PTBP3: variants seen among roughly 807,000 people sequenced by gnomAD.
PTBP3 encodes the protein polypyrimidine tract-binding protein 3.
A neutral mutation model predicts 58.7 loss-of-function variants in PTBP3; 20 were observed. The observed-to-expected ratio is 0.34, with a 90% CI of 0.24 to 0.50. The LOEUF (loss-of-function observed/expected upper bound fraction) is 0.50. PTBP3 is among the 20% of genes least tolerant of loss of function. The pLI is 0.98. For missense variants in PTBP3, 509 were observed against 637.2 expected (o/e 0.80, Z 2.17); for synonymous variants, 185 against 219.8 (o/e 0.84, Z 1.40).
rs891738874 is a variant in PTBP3, at chr9:112,222,134, G to A, written c.*1717C>T. 7.1e-6 allele frequency: 7 copies of A among 985,640 alleles called. No individual in the cohort carries two copies. The Admixed American group carries it at 2.5e-4, about 35-fold the overall frequency. 61.1% of individuals were successfully genotyped at this position (985,640 alleles called of 1,614,324 possible). A position where few individuals can be genotyped will look rare whatever the true frequency, so the allele number is the denominator to read the frequency against. On this transcript the variant is annotated 3_prime_UTR_variant, in exon 14 of 14. Transcript: ENST00000374257. ...TCTTTATTCTTTTAAAAGTTGAGAT[G>A]AGACACTTTGAGAATCTGAAAAGTG... is the stretch of plus-strand genomic sequence containing the variant.
intron 5 of PTBP3, among the ~76,000 whole-genome samples, chr9:112,260,002 G>C (rs1315576134): frequency 1.3e-5 from 2 of 152,030 alleles, no homozygotes; most frequent in East Asian, 3.9e-4. Context: ...CAGCCTCCTG[G>C]GTACAAGTGA....
intron 1 of PTBP3, among the ~76,000 whole-genome samples, chr9:112,325,203 G>C (rs1029443803): frequency 6.6e-6 from 1 of 151,936 alleles, no homozygotes; most frequent in African/African-American, 2.4e-5. Flanking sequence ...CCTTCGACCT[G>C]CCCAGGTCAT....
rs545221118 is a variant in PTBP3 at position 112,288,749 on chromosome 9, T to C, written c.34+9083A>G. ...ATTAGCATTAAGACTGCAGGTGAGT[T>C]TTCTTTAAACTTACTAATTCTTAGA... On this transcript the variant is annotated intron_variant, in intron 2 of 13. Coordinates refer to ENST00000374257, the MANE Select transcript of PTBP3 (RefSeq NM_001163788.4). 7.9e-5 allele frequency among the ~76,000 whole-genome samples: 12 copies of C among 152,344 alleles called. No homozygotes were observed. The East Asian group carries it at 2.3e-3, about 29-fold the overall frequency.
the PTBP3 span, among the ~76,000 whole-genome samples, chr9:112,379,431 C>T: frequency 6.6e-6 from 1 of 152,220 alleles, no homozygotes; most frequent in African/African-American, 2.4e-5. Flanking sequence ...AACACTCATT[C>T]CAGAAGTAGA....
intron 10 of PTBP3, among the ~76,000 whole-genome samples, chr9:112,231,016 C>G (rs1835178141): frequency 7.1e-6 from 1 of 140,936 alleles, no homozygotes; most frequent in East Asian, 1.9e-4. Context: ...ATGCTCACCA[C>G]TGGGCTTCCT....
chr9:112,226,253 T>C (rs1299638868), intron 12 of PTBP3, among the ~76,000 whole-genome samples: 1 of 151,920 alleles, frequency 6.6e-6, no homozygotes, highest in Non-Finnish European at 1.5e-5. Flanking sequence ...ACTGCCCCAC[T>C]TGGATTCAAG....
At chr9:112,329,902 A>G (rs1830302432) in intron 1 of PTBP3, among the ~76,000 whole-genome samples, 1 of 145,142 alleles carries the variant, frequency 6.9e-6, no homozygotes, top group Admixed American at 7.1e-5. Context: ...GCTGGAGTGC[A>G]GTGACACGGT....
At chr9:112,334,199 G>A (rs1406957048), upstream of PTBP3, among the ~76,000 whole-genome samples, 1 of 152,096 alleles carries the variant, frequency 6.6e-6, no homozygotes, top group African/African-American at 2.4e-5. Flanking sequence ...GTGTGGCTGG[G>A]ACGATGAATG....
chr9:112,316,623 A>C (rs1829713351), intron 1 of PTBP3, among the ~76,000 whole-genome samples: 1 of 152,206 alleles, frequency 6.6e-6, no homozygotes, highest in South Asian at 2.1e-4. Context: ...CTAACAAATA[A>C]ATGTTGTTTT....
rs1411646280 is a variant in PTBP3 at position 112,320,291 on chromosome 9, A to AAATAT, written c.-52+13178_-52+13179insATATT. Among the ~76,000 whole-genome samples, 152 of 73,512 alleles carry AAATAT rather than the reference A, an allele frequency of 2.1e-3. 1 individual carries two copies. Among genetic ancestry groups the AAATAT allele is most frequent in the African/African-American group, 0.013 (144 of 11,034 alleles). 48.2% of individuals were successfully genotyped at this position (73,512 alleles called of 152,430 possible). A position where few individuals can be genotyped will look rare whatever the true frequency, so the allele number is the denominator to read the frequency against. On this transcript the variant is annotated intron_variant, in intron 1 of 13. Transcript: ENST00000374257. ...AGACCCTTTCTCTTAAAAAAAAAAA[A>AAATAT]ATATATATATATATATATATATATT...
At chr9:112,356,460 C>G in the PTBP3 span, among the ~76,000 whole-genome samples, 1,258 of 152,088 alleles carry the variant, frequency 8.3e-3, 17 homozygotes, top group African/African-American at 0.029. Flanking sequence ...GGGTAAGCCA[C>G]TAGCAGTCTG....
At chr9:112,272,158 GC>G (rs1315440254) in intron 3 of PTBP3, among the ~76,000 whole-genome samples, 1 of 152,006 alleles carries the variant, frequency 6.6e-6, no homozygotes, top group Non-Finnish European at 1.5e-5. Context: ...CACTTCCTGG[GC>G]TCAAGCAATC....
At chr9:112,328,109 G>C (rs1267356399) in intron 1 of PTBP3, among the ~76,000 whole-genome samples, 1 of 152,150 alleles carries the variant, frequency 6.6e-6, no homozygotes, top group Non-Finnish European at 1.5e-5. Flanking sequence ...TCTGAATCCA[G>C]GGAAGCAACT....
chr9:112,358,409 A>G, the PTBP3 span, among the ~76,000 whole-genome samples: 1 of 152,232 alleles, frequency 6.6e-6, no homozygotes, highest in African/African-American at 2.4e-5. Flanking sequence ...TGCACATGAC[A>G]GCCTCCCACA....
chr9:112,378,320 A>T, the PTBP3 span, among the ~76,000 whole-genome samples: 1 of 152,256 alleles, frequency 6.6e-6, no homozygotes. Flanking sequence ...GTATAAAAAT[A>T]GTGTAAGTAC....
the PTBP3 span, among the ~76,000 whole-genome samples, chr9:112,371,669 T>A: frequency 6.8e-6 from 1 of 147,280 alleles, no homozygotes; most frequent in African/African-American, 2.5e-5. Context: ...TTTTTTTTTT[T>A]ACCAGATCCC....
intron 2 of PTBP3, among the ~76,000 whole-genome samples, chr9:112,293,508 T>C (rs141270698): frequency 1.4e-4 from 21 of 152,344 alleles, no homozygotes; most frequent in African/African-American, 4.6e-4. Context: ...TGTAAAGTAA[T>C]AGAACTCCCT....
In PTBP3 at chr9:112,275,948, G is replaced by A; in HGVS notation, c.100C>T (p.His34Tyr). The change falls in exon 3 of 14, where the codon CAT becomes TAT. Residue 34 changes from histidine to tyrosine, a missense_variant. This residue lies in a region of PTBP3 where 212 missense variants were observed against 215.3 expected (regional missense o/e 0.98). Coordinates refer to ENST00000374257, the MANE Select transcript of PTBP3 (RefSeq NM_001163788.4). ...RPPCSPSRVL[H>Y]LRKIPCDVTE... ...ACATCACATGGAATTTTTCGAAGATGGAGAACACGGGAAGGCGAACAGGGA... is the reference window on the plus strand; with the variant it reads ...ACATCACATGGAATTTTTCGAAGATAGAGAACACGGGAAGGCGAACAGGGA... The A allele has an allele frequency of 1.2e-6, 2 of 1,613,612 alleles. No homozygotes were observed. The highest frequency in any genetic ancestry group is 1.7e-6 in the Non-Finnish European group (2 of 1,179,558).
chr9:112,259,356 T>C (rs1395410315), intron 5 of PTBP3, among the ~76,000 whole-genome samples: 7 of 152,218 alleles, frequency 4.6e-5, no homozygotes, highest in Admixed American at 3.9e-4. Context: ...TCTTACCCAA[T>C]ATAAGAAATT....
Sources: allele counts gnomAD v4.1 joint callset (sites outside exome capture counted in the v4.1 genomes callset), GRCh38; gene constraint gnomAD v4.1.1; regional missense constraint gnomAD v4.1.1; transcripts MANE v1.5; gene names NCBI Gene and HGNC (gene_info 2026-07-23, HGNC 2026-07-21).